Variants in SNRPG observed in about 807,000 individuals in gnomAD.
SNRPG encodes the protein small nuclear ribonucleoprotein G.
SNRPG carries 3 observed loss-of-function variants against 13.9 expected under a neutral mutation model. The observed-to-expected ratio is 0.22, with a 90% CI of 0.10 to 0.56. The LOEUF is 0.56. SNRPG is among the 20% of genes least tolerant of loss of function. The pLI, the probability that SNRPG is intolerant of heterozygous loss-of-function variation, is 0.93. For synonymous variants in SNRPG, 29 were observed against 29.3 expected (o/e 0.99, Z 0.03); for missense variants, 34 against 96.1 (o/e 0.35, Z 2.70).
intron 1 of SNRPG, among the ~76,000 whole-genome samples, chr2:70,289,670 G>C (rs1697030899): frequency 6.6e-6 from 1 of 152,090 alleles, no homozygotes; most frequent in Non-Finnish European, 1.5e-5. Flanking sequence ...AATTAGCTGG[G>C]GGTGGTGGCA....
chr2:70,287,800 T>G lies in SNRPG; in HGVS notation c.180+268A>C, dbSNP rs1031118825. 21 of 489,376 alleles carry G rather than the reference T, an allele frequency of 4.3e-5. No individual in the cohort carries two copies. In the East Asian group the frequency reaches 7.4e-4, roughly 17 times the overall value. The allele number at this position is 489,376 out of a possible 1,614,324, so 30.3% of individuals were successfully genotyped here. On this transcript the variant is annotated intron_variant, in intron 3 of 3. Coordinates refer to ENST00000272348, the MANE Select transcript of SNRPG (RefSeq NM_003096.4). ...TACTGCTCTAATGAAGGACCAACTA[T>G]GAGCCTCTATTGCAGAATAAAGCTC...
intron 1 of SNRPG, 197 bp downstream of exon 1, chr2:70,293,421 G>GT: frequency 1.5e-6 from 1 of 661,886 alleles, no homozygotes; most frequent in Non-Finnish European, 2.8e-6. Flanking sequence ...GCTGCCGGCT[G>GT]TAACCACACC....
chr2:70,293,596 T>A, intron 1 of SNRPG, 22 bp downstream of exon 1: 1 of 1,610,388 alleles, frequency 6.2e-7, no homozygotes, highest in Non-Finnish European at 8.5e-7. Context: ...ACCACTTCGG[T>A]TTGGCTCTCA....
In SNRPG at chr2:70,293,181, T is replaced by A. The variant is rs999325159; in HGVS notation, c.32+437A>T. ...CACATTTGCTAAGACTAAAGTGGCT[T>A]TCGGATTCTGATGCCTCACGTAGTT... On this transcript the variant is annotated intron_variant, in intron 1 of 3. Transcript: ENST00000272348. 7.1e-6 allele frequency: 5 copies of A among 702,424 alleles called. No individual in the cohort carries two copies. In the South Asian group the frequency reaches 7.4e-5, roughly 10 times the overall value. 43.5% of individuals were successfully genotyped at this position (702,424 alleles called of 1,614,324 possible). A position where few individuals can be genotyped will look rare whatever the true frequency, so the allele number is the denominator to read the frequency against.
At chr2:70,286,571 A>G (rs1179704050) in intron 3 of SNRPG, among the ~76,000 whole-genome samples, 3 of 152,060 alleles carry the variant, frequency 2.0e-5, no homozygotes, top group African/African-American at 7.3e-5. Context: ...TAAACCTCAG[A>G]GATGGAACAG....
Position 70,293,732 on chromosome 2 carries a change from G to C in SNRPG, c.-83C>G. On this transcript the variant is annotated 5_prime_UTR_variant, in exon 1 of 4. Coordinates refer to ENST00000272348, the MANE Select transcript of SNRPG (RefSeq NM_003096.4). ...GCTCCCGCTGTAGGCCCGGCGTCTT[G>C]CGTCTGGCGTCATCGACCTCGTTAG... 1 of 1,317,516 alleles carries C rather than the reference G, an allele frequency of 7.6e-7. No individual in the cohort carries two copies. Among genetic ancestry groups the C allele is most frequent in the South Asian group, 1.2e-5 (1 of 85,042 alleles). The allele number at this position is 1,317,516 out of a possible 1,614,324, so 81.6% of individuals were successfully genotyped here.
intron 3 of SNRPG, among the ~76,000 whole-genome samples, chr2:70,286,032 A>G (rs957268128): frequency 6.6e-6 from 1 of 151,968 alleles, no homozygotes; most frequent in African/African-American, 2.4e-5. Flanking sequence ...TGCAGCTTTG[A>G]CTTCCTGCCT....
chr2:70,283,123 AAC>A (rs1322518307), intron 3 of SNRPG, among the ~76,000 whole-genome samples: 9 of 85,606 alleles, frequency 1.1e-4, no homozygotes, highest in South Asian at 3.8e-4. Context: ...AAAAAAAAAA[AAC>A]AACAAACCAA....
In SNRPG at chr2:70,281,434, C is replaced by G; in HGVS notation, c.*200G>C. On this transcript the variant is annotated 3_prime_UTR_variant, in exon 4 of 4. Transcript: ENST00000272348. ...AAAACCCTTTGAAATCAATGTCAAC[C>G]AGGAAAATTCATGTTAGAAAAAACT... The G allele has an allele frequency of 2.5e-6, 1 of 404,516 alleles. No homozygotes were observed. The highest frequency in any genetic ancestry group is 6.5e-5 in the South Asian group (1 of 15,474). 25.1% of individuals were successfully genotyped at this position (404,516 alleles called of 1,614,324 possible). A position where few individuals can be genotyped will look rare whatever the true frequency, so the allele number is the denominator to read the frequency against.
rs1267678582 is a variant in SNRPG, at chr2:70,287,215, AC to A, written c.180+852del. The A allele has an allele frequency of 4.5e-6, 3 of 671,048 alleles. No homozygotes were observed. In the African/African-American group the frequency reaches 5.4e-5, roughly 12 times the overall value. 41.6% of individuals were successfully genotyped at this position (671,048 alleles called of 1,614,324 possible). ...GTCTATCTTCAACTTTACTGCTCAA[AC>A]TTAAAAATCAAGGTTAATAAATCAA... is the stretch of plus-strand genomic sequence containing the variant. On this transcript the variant is annotated intron_variant, in intron 3 of 3. Coordinates refer to ENST00000272348, the MANE Select transcript of SNRPG (RefSeq NM_003096.4).
rs749045157 is a variant in SNRPG at position 70,288,061 on chromosome 2, T to C, written c.180+7A>G. On this transcript the variant is annotated splice_region_variant and intron_variant, in intron 3 of 3. Transcript: ENST00000272348. ...ATCTCCAAGAGAACTCTTGTATCTT[T>C]ACTTACCACCATTCCAATATTGTTC... The C allele has an allele frequency of 2.5e-6, 4 of 1,611,138 alleles. No individual in the cohort carries two copies. In the African/African-American group the frequency reaches 5.3e-5, roughly 21 times the overall value.
chr2:70,288,154 G>C lies in SNRPG; in HGVS notation c.94C>G (p.Arg32Gly). 1 of 1,610,904 alleles carries C rather than the reference G, an allele frequency of 6.2e-7. No homozygotes were observed. Among genetic ancestry groups the C allele is most frequent in the South Asian group, 1.1e-5 (1 of 91,006 alleles). ...NGGRHVQGILRGFDPFMNLVI... is the reference protein window; with the variant it reads ...NGGRHVQGILGGFDPFMNLVI... ...AGGTTCATAAAGGGATCAAATCCCC[G>C]CAATATTCCTTGGACATGTCTGCCA... Residue 32 changes from arginine to glycine, a missense_variant, in exon 3 of 4, where the codon CGG (arginine) becomes GGG (glycine). Arg to Gly is a moderately radical substitution (Grantham distance 125). Transcript: ENST00000272348.
chr2:70,293,705 A>T lies in SNRPG; in HGVS notation c.-56T>A, dbSNP rs374092476. ...TGGAACGCAACGCACGGCTTTCCTC[A>T]CGCTCCCGCTGTAGGCCCGGCGTCT... On this transcript the variant is annotated 5_prime_UTR_variant, in exon 1 of 4. Coordinates refer to ENST00000272348, the MANE Select transcript of SNRPG (RefSeq NM_003096.4). 12 of 1,557,150 alleles carry T rather than the reference A, an allele frequency of 7.7e-6. No homozygotes were observed. Among genetic ancestry groups the T allele is most frequent in the Non-Finnish European group, 1.1e-5 (12 of 1,128,314 alleles).
chr2:70,283,672 A>G (rs1193773675), intron 3 of SNRPG, among the ~76,000 whole-genome samples: 1 of 152,188 alleles, frequency 6.6e-6, no homozygotes, highest in Admixed American at 6.5e-5. Flanking sequence ...TGCAGCTGAC[A>G]GAATAGAAGG....
chr2:70,287,023 T>G (rs1211268390), intron 3 of SNRPG, among the ~76,000 whole-genome samples: 1 of 152,168 alleles, frequency 6.6e-6, no homozygotes, highest in Admixed American at 6.5e-5. Flanking sequence ...TACATGAAAC[T>G]TGGGGGTACA....
At position 70,289,365 on chromosome 2, in the gene SNRPG, C is replaced by T; in HGVS notation, c.40G>A (p.Asp14Asn). The T allele has an allele frequency of 6.9e-7, 1 of 1,445,744 alleles. No homozygotes were observed. Among genetic ancestry groups the T allele is most frequent in the Non-Finnish European group, 9.5e-7 (1 of 1,048,106 alleles). The allele number at this position is 1,445,744 out of a possible 1,614,324, so 89.6% of individuals were successfully genotyped here. ...AHPPELKKFM[D>N]KKLSLKLNGG... ...ACAAACTTACATGATAACTTCTTGT[C>T]CATAAATCTGAAAAAGGAAAAGGGT... Residue 14 changes from aspartate to asparagine, a missense_variant, in exon 2 of 4, where the codon GAC becomes AAC. Transcript: ENST00000272348.
intron 3 of SNRPG, among the ~76,000 whole-genome samples, chr2:70,285,433 G>A (rs184163703): frequency 7.9e-5 from 12 of 152,208 alleles, no homozygotes; most frequent in East Asian, 1.9e-4. Context: ...TTAGCTTGGC[G>A]TGGTGGTGTG....
At chr2:70,293,470 G>T in intron 1 of SNRPG, 148 bp downstream of exon 1, 2 of 787,462 alleles carry the variant, frequency 2.5e-6, no homozygotes. Flanking sequence ...TCTCATGCGC[G>T]GGAGCCTGGC....
chr2:70,291,860 C>T (rs1697106221), intron 1 of SNRPG, among the ~76,000 whole-genome samples: 1 of 151,126 alleles, frequency 6.6e-6, no homozygotes, highest in South Asian at 2.1e-4. Flanking sequence ...TTTCACCAGT[C>T]CCTGATGAAT....
Sources: allele counts gnomAD v4.1 joint callset (sites outside exome capture counted in the v4.1 genomes callset), GRCh38; gene constraint gnomAD v4.1.1; transcripts MANE v1.5; gene names NCBI Gene and HGNC (gene_info 2026-07-23, HGNC 2026-07-21).